The following USP16 variants were observed in gnomAD, a reference collection of about 807,000 sequenced individuals.
The protein encoded by USP16 is ubiquitin carboxyl-terminal hydrolase 16.
USP16 carries 77 observed loss-of-function variants against 95.9 expected under a neutral mutation model. That is an observed-to-expected ratio of 0.80 (90% CI 0.67 to 0.97). The LOEUF (loss-of-function observed/expected upper bound fraction) is 0.97, where lower values mean the gene tolerates loss of function less well. Ranked by LOEUF, USP16 falls within the 50% of genes least tolerant of loss-of-function variation. The pLI is 0.00. For synonymous variants in USP16, 303 were observed against 318.2 expected (o/e 0.95, Z 0.51); for missense variants, 943 against 959.9 (o/e 0.98, Z 0.23).
intron 3 of USP16, among the ~76,000 whole-genome samples, chr21:29,031,259 G>A (rs553088741): frequency 2.2e-4 from 34 of 152,048 alleles, no homozygotes; most frequent in Non-Finnish European, 3.5e-4. Context: ...TGGCAGTGAG[G>A]GCATGTCTGG....
chr21:29,034,305 T>TC (rs962541699), intron 3 of USP16, among the ~76,000 whole-genome samples: 2 of 149,662 alleles, frequency 1.3e-5, no homozygotes, highest in African/African-American at 4.9e-5. Flanking sequence ...TGGTTTTCTT[T>TC]TTTTTTTTTT....
chr21:29,039,623 C>T (rs1216621294), intron 9 of USP16, 55 bp downstream of exon 9: 1 of 1,535,558 alleles, frequency 6.5e-7, no homozygotes, highest in Non-Finnish European at 8.9e-7. Context: ...AGCTTTCTGT[C>T]TCATTTGATA....
chr21:29,042,242 C>A, intron 11 of USP16, 138 bp downstream of exon 11: 1 of 876,960 alleles, frequency 1.1e-6, no homozygotes, highest in Non-Finnish European at 1.7e-6. Flanking sequence ...GTGCATGGTT[C>A]TTTGTGGGAA....
In USP16 at chr21:29,046,918, T is replaced by G. The variant is rs2085333351; in HGVS notation, c.1608T>G (p.Asp536Glu). 1.2e-6 allele frequency: 2 copies of G among 1,614,134 alleles called. No homozygotes were observed. Among genetic ancestry groups the G allele is most frequent in the Non-Finnish European group, 1.7e-6 (2 of 1,180,012 alleles). The stretch of plus-strand genomic sequence containing the variant: ...ATCAAAAATCCACAGAGGAAGTAGA[T>G]ATGAAAAATATCAACATGGATAATG... ...TDNQKSTEEV[D>E]MKNINMDNDL... The change falls in exon 14 of 18, where the codon GAT becomes GAG. Residue 536 changes from aspartate (D) to glutamate (E), a missense_variant. By Grantham distance (45) the Asp-to-Glu change is conservative (BLOSUM62 2). Coordinates refer to ENST00000399976, the MANE Select transcript of USP16 (RefSeq NM_006447.3).
chr21:29,043,393 G>GT (rs1465003031), intron 12 of USP16, 30 bp from the exon 13 acceptor site: 4 of 1,368,310 alleles, frequency 2.9e-6, no homozygotes, highest in Non-Finnish European at 3.8e-6. Context: ...GTAAAATTTT[G>GT]TTTTTGACCT....
rs763025961 is a variant in USP16 at position 29,042,001 on chromosome 21, T to C, written c.1031-12T>C. ...GGTAATTGGTAATTGATAGACTTTTTTTTCTCCATAGATTATGAGAAGAAA... is the reference window on the plus strand; with the variant it reads ...GGTAATTGGTAATTGATAGACTTTTCTTTCTCCATAGATTATGAGAAGAAA... On this transcript the variant is annotated splice_polypyrimidine_tract_variant and intron_variant, in intron 10 of 17. Coordinates refer to ENST00000399976, the MANE Select transcript of USP16 (RefSeq NM_006447.3). 1 of 1,610,346 alleles carries C rather than the reference T, an allele frequency of 6.2e-7. No homozygotes were observed. The highest frequency in any genetic ancestry group is 1.1e-5 in the South Asian group (1 of 90,824).
chr21:29,028,784 A>G (rs1339076859), intron 2 of USP16, among the ~76,000 whole-genome samples: 2 of 152,180 alleles, frequency 1.3e-5, no homozygotes, highest in Admixed American at 6.5e-5. Context: ...AAGACCATGG[A>G]TGTATATTTC....
rs370296808 is a variant in USP16 at position 29,053,875 on chromosome 21, C to T, written c.2267C>T (p.Ser756Leu). The change falls in exon 17 of 18, where the codon TCG becomes TTG. Residue 756 changes from serine to leucine, a missense_variant. Ser to Leu is a moderately radical substitution (Grantham distance 145). Coordinates refer to ENST00000399976, the MANE Select transcript of USP16 (RefSeq NM_006447.3). ...GVVEHSGTMR[S>L]GHYTAYAKAR... is the part of the protein sequence containing the mutation. ...GTTGAACACAGTGGTACTATGAGGT[C>T]GGGGCATTACACTGCCTATGCCAAG... 172 of 1,614,042 alleles carry T rather than the reference C, an allele frequency of 1.1e-4. No homozygotes were observed. The highest frequency in any genetic ancestry group is 2.7e-4 in the East Asian group (12 of 44,894).
At chr21:29,046,245 T>C (rs1191359907) in intron 13 of USP16, among the ~76,000 whole-genome samples, 3 of 152,196 alleles carry the variant, frequency 2.0e-5, no homozygotes, top group Admixed American at 2.0e-4. Context: ...CAAGTGATCC[T>C]CCCACCTCAA....
Position 29,043,420 on chromosome 21 carries a change from A to T in USP16, c.1180-3A>T. On this transcript the variant is annotated splice_region_variant and splice_polypyrimidine_tract_variant and intron_variant, in intron 12 of 17. Coordinates refer to ENST00000399976, the MANE Select transcript of USP16 (RefSeq NM_006447.3). Reference sequence around the variant, plus strand: ...TTTTGACCTATGTTATCTATATTTTAAGAGTGGTAAGAAAAGTGTAAATGA... The same window carrying T: ...TTTTGACCTATGTTATCTATATTTTTAGAGTGGTAAGAAAAGTGTAAATGA... 1 of 1,494,312 alleles carries T rather than the reference A, an allele frequency of 6.7e-7. No individual in the cohort carries two copies. The allele number at this position is 1,494,312 out of a possible 1,614,324, so 92.6% of individuals were successfully genotyped here.
At chr21:29,040,719 T>C in intron 10 of USP16, 32 bp downstream of exon 10, 3 of 1,235,010 alleles carry the variant, frequency 2.4e-6, no homozygotes, top group South Asian at 1.3e-5. Flanking sequence ...TAAAACACTA[T>C]AGTTGAATTC....
intron 10 of USP16, among the ~76,000 whole-genome samples, chr21:29,041,084 T>A (rs1013523558): frequency 6.6e-6 from 1 of 152,186 alleles, no homozygotes; most frequent in African/African-American, 2.4e-5. Flanking sequence ...ATGGAACTCC[T>A]CTATACCTTT....
intron 14 of USP16, 110 bp from the exon 15 acceptor site, chr21:29,048,651 A>G: frequency 1.2e-6 from 1 of 818,490 alleles, no homozygotes; most frequent in South Asian, 1.9e-5. Flanking sequence ...TTCATAGAAA[A>G]AGTTTACTGA....
At chr21:29,027,699 A>G (rs1007794509) in intron 1 of USP16, among the ~76,000 whole-genome samples, 174 bp from the exon 2 acceptor site, 3 of 152,246 alleles carry the variant, frequency 2.0e-5, no homozygotes, top group Non-Finnish European at 4.4e-5. Context: ...GGAGATAACT[A>G]TTCTATCTAC....
At chr21:29,030,222 T>C (rs1479720842) in intron 2 of USP16, among the ~76,000 whole-genome samples, 2 of 152,118 alleles carry the variant, frequency 1.3e-5, no homozygotes, top group East Asian at 3.9e-4. Flanking sequence ...GCCTGCCCTA[T>C]AGTAGGTGTA....
At chr21:29,035,730 C>A (rs2085145249) in intron 4 of USP16, among the ~76,000 whole-genome samples, 1 of 151,816 alleles carries the variant, frequency 6.6e-6, no homozygotes. Context: ...GTCTGGCTAA[C>A]ACGTTGAAAC....
chr21:29,054,425 A>G lies in USP16; in HGVS notation c.*238A>G. ...AAAGGAAATCCTGAATTACTTAAGT[A>G]CTTTGTGTTTAATATATCTGGGTGA... On this transcript the variant is annotated 3_prime_UTR_variant, in exon 18 of 18. Transcript: ENST00000399976. 2.0e-6 allele frequency: 1 copy of G among 509,486 alleles called. No individual in the cohort carries two copies. The highest frequency in any genetic ancestry group is 3.4e-6 in the Non-Finnish European group (1 of 295,716). 31.6% of individuals were successfully genotyped at this position (509,486 alleles called of 1,614,324 possible).
At chr21:29,033,883 A>G (rs2085113043) in intron 3 of USP16, among the ~76,000 whole-genome samples, 1 of 152,228 alleles carries the variant, frequency 6.6e-6, no homozygotes, top group South Asian at 2.1e-4. Context: ...TTTGAGCAAG[A>G]TCTTGAAGAG....
In USP16 at chr21:29,040,639, G is replaced by C. The variant is rs2085229368; in HGVS notation, c.982G>C (p.Gly328Arg). The change falls in exon 10 of 18, where the codon GGT (glycine) becomes CGT (arginine). Residue 328 changes from glycine to arginine, a missense_variant. Coordinates refer to ENST00000399976, the MANE Select transcript of USP16 (RefSeq NM_006447.3). ...GAGTAAAGGAATACTTAAAGCATTTGGTAATTCTACTGAAAAGTTGGATGA... is the reference window on the plus strand; with the variant it reads ...GAGTAAAGGAATACTTAAAGCATTTCGTAATTCTACTGAAAAGTTGGATGA... ...RVSKGILKAF[G>R]NSTEKLDEEL... 1 of 1,541,804 alleles carries C rather than the reference G, an allele frequency of 6.5e-7. No homozygotes were observed. Among genetic ancestry groups the C allele is most frequent in the Non-Finnish European group, 8.9e-7 (1 of 1,125,028 alleles).
Sources: allele counts gnomAD v4.1 joint callset (sites outside exome capture counted in the v4.1 genomes callset), GRCh38; gene constraint gnomAD v4.1.1; transcripts MANE v1.5; gene names NCBI Gene and HGNC (gene_info 2026-07-23, HGNC 2026-07-21).